The following SPPL2A variants were observed in gnomAD, a reference collection of about 807,000 sequenced individuals.
SPPL2A encodes the protein signal peptide peptidase-like 2A.
In SPPL2A, 51 loss-of-function variants were observed where a neutral mutation model predicts 63.8. The observed-to-expected ratio is 0.80, with a 90% CI of 0.64 to 1.01. The LOEUF (loss-of-function observed/expected upper bound fraction) is 1.01. Ranked by LOEUF, SPPL2A falls within the 50% of genes least tolerant of loss-of-function variation. The probability of loss-of-function intolerance (pLI) is 0.00; values close to 1 mark genes in which losing one functional copy is unlikely to be tolerated. For missense variants in SPPL2A, 553 were observed against 622.7 expected, an observed-to-expected ratio of 0.89 and a Z score of 1.19; for synonymous variants, 188 against 205.8, an observed-to-expected ratio of 0.91 and a Z score of 0.74.
chr15:50,731,428 C>T (rs2062730954), intron 9 of SPPL2A, among the ~76,000 whole-genome samples: 1 of 151,836 alleles, frequency 6.6e-6, no homozygotes, highest in African/African-American at 2.4e-5. Flanking sequence ...TGCCTATAAA[C>T]CCAGCTACTC....
At position 50,765,462 on chromosome 15, in the gene SPPL2A, C is replaced by G. The variant is rs1354094965; in HGVS notation, c.66+6G>C. The G allele has an allele frequency of 2.0e-6, 3 of 1,501,948 alleles. 1 individual carries two copies. The Admixed American group carries it at 6.4e-5, about 32-fold the overall frequency. The allele number at this position is 1,501,948 out of a possible 1,614,324, so 93.0% of individuals were successfully genotyped here. On this transcript the variant is annotated splice_donor_region_variant and intron_variant, in intron 1 of 14. Transcript: ENST00000261854. ...GGGAGGCCTGCGCGCCTTCCCGCCCCCTTACCAGCTGGAGCAGGAAGCCCC... is the reference window on the plus strand; with the variant it reads ...GGGAGGCCTGCGCGCCTTCCCGCCCGCTTACCAGCTGGAGCAGGAAGCCCC...
intron 5 of SPPL2A, among the ~76,000 whole-genome samples, chr15:50,741,487 G>A (rs2062819845): frequency 6.6e-6 from 1 of 151,900 alleles, no homozygotes; most frequent in South Asian, 2.1e-4. Flanking sequence ...TACAAATGTG[G>A]TACCTGAGTG....
intron 1 of SPPL2A, among the ~76,000 whole-genome samples, chr15:50,760,271 T>C (rs1011501590): frequency 6.9e-6 from 1 of 145,174 alleles, no homozygotes; most frequent in African/African-American, 2.6e-5. Flanking sequence ...TTTTTTTTTT[T>C]ATTTCCCCCA....
chr15:50,748,188 A>C lies in SPPL2A; in HGVS notation c.375T>G (p.Gly125=), dbSNP rs1250534419. The C allele has an allele frequency of 6.8e-7, 1 of 1,477,842 alleles. No homozygotes were observed. The highest frequency in any genetic ancestry group is 9.1e-7 in the Non-Finnish European group (1 of 1,103,888). The allele number at this position is 1,477,842 out of a possible 1,614,324, so 91.5% of individuals were successfully genotyped here. A position where few individuals can be genotyped will look rare whatever the true frequency, so the allele number is the denominator to read the frequency against. ...TCACATCAGGAAATTCAGATCTGTT[A>C]CCTGAGGGAGGAAACTAAAAAAGAA... ...VNNSVLFPPS[G]NRSEFPDVKI... The change falls in exon 4 of 15, where the codon GGT becomes GGG. Residue 125 remains glycine, a synonymous_variant. Transcript: ENST00000261854.
rs771517654 is a variant in SPPL2A at position 50,705,515 on chromosome 15, TAC to T, written c.*2283_*2284del. ...AATATTTTATTATTATAAATGAAAA[TAC>T]AGAGTTTTAAAACGGCACTTAATCT... On this transcript the variant is annotated 3_prime_UTR_variant, in exon 15 of 15. Coordinates refer to ENST00000261854, the MANE Select transcript of SPPL2A (RefSeq NM_032802.4). 1 of 152,178 alleles carries T rather than the reference TAC, an allele frequency of 6.6e-6. No individual in the cohort carries two copies. Among genetic ancestry groups the T allele is most frequent in the South Asian group, 2.1e-4 (1 of 4,818 alleles). The allele number at this position is 152,178 out of a possible 1,614,324, so 9.4% of individuals were successfully genotyped here. A position where few individuals can be genotyped will look rare whatever the true frequency, so the allele number is the denominator to read the frequency against.
At position 50,715,224 on chromosome 15, in the gene SPPL2A, C is replaced by T. The variant is rs2062591817; in HGVS notation, c.1488+4716G>A. 8.5e-5 allele frequency among the ~76,000 whole-genome samples: 13 copies of T among 152,202 alleles called. No individual in the cohort carries two copies. In the South Asian group the frequency reaches 2.7e-3, roughly 32 times the overall value. On this transcript the variant is annotated intron_variant, in intron 14 of 14. Transcript: ENST00000261854. Reference sequence around the variant, plus strand: ...TGTTGCCCAGGCTGGTCTCGAACTCCTGATCTCAAGTGATCTACTAGCCTT... The same window carrying T: ...TGTTGCCCAGGCTGGTCTCGAACTCTTGATCTCAAGTGATCTACTAGCCTT...
intron 3 of SPPL2A, 54 bp downstream of exon 3, chr15:50,748,634 G>A (rs766157755): frequency 5.7e-4 from 712 of 1,246,026 alleles, no homozygotes; most frequent in Non-Finnish European, 7.4e-4. Flanking sequence ...TTCCATTTTT[G>A]TGAAATTTCA....
At chr15:50,726,654 G>A (rs1255657796) in intron 10 of SPPL2A, among the ~76,000 whole-genome samples, 1 of 152,184 alleles carries the variant, frequency 6.6e-6, no homozygotes, top group Non-Finnish European at 1.5e-5. Context: ...CCTCAGTTCT[G>A]ATTTGTAATG....
chr15:50,726,228 T>C, intron 11 of SPPL2A, 93 bp downstream of exon 11: 1 of 1,470,470 alleles, frequency 6.8e-7, no homozygotes, highest in South Asian at 1.2e-5. Context: ...TAACATGCAC[T>C]ATGTGGCCAG....
At chr15:50,737,713 A>G (rs549988917) in intron 6 of SPPL2A, among the ~76,000 whole-genome samples, 40 of 152,208 alleles carry the variant, frequency 2.6e-4, no homozygotes, top group African/African-American at 9.6e-4. Flanking sequence ...TTGGCCTCCC[A>G]AAGTGCTGGG....
In SPPL2A at chr15:50,704,333, A is replaced by C; in HGVS notation, c.*3467T>G. The stretch of plus-strand genomic sequence containing the variant: ...CTCCAGCCTGGGCAAAAAGAGCGAA[A>C]CTCTGTCTCAAAAAAAAAAAAAAAA... On this transcript the variant is annotated 3_prime_UTR_variant, in exon 15 of 15. Transcript: ENST00000261854. 7.7e-6 allele frequency: 1 copy of C among 130,636 alleles called. No homozygotes were observed. The highest frequency in any genetic ancestry group is 1.6e-5 in the Non-Finnish European group (1 of 62,586). The allele number at this position is 130,636 out of a possible 1,614,324, so 8.1% of individuals were successfully genotyped here. A position where few individuals can be genotyped will look rare whatever the true frequency, so the allele number is the denominator to read the frequency against.
At chr15:50,726,133 T>C (rs2062685954) in intron 11 of SPPL2A, 188 bp downstream of exon 11, 2 of 1,521,922 alleles carry the variant, frequency 1.3e-6, no homozygotes, top group South Asian at 1.2e-5. Context: ...CATTCTAGGA[T>C]GAAACCCAAG....
At position 50,704,171 on chromosome 15, in the gene SPPL2A, C is replaced by T. The variant is rs552426000; in HGVS notation, c.*3629G>A. The stretch of plus-strand genomic sequence containing the variant: ...CAGCCTGATCAACATGGAGAAACCC[C>T]GTCTCTACTAAAAATACTATATTAG... On this transcript the variant is annotated 3_prime_UTR_variant, in exon 15 of 15. Coordinates refer to ENST00000261854, the MANE Select transcript of SPPL2A (RefSeq NM_032802.4). 3.9e-5 allele frequency: 6 copies of T among 151,930 alleles called. No individual in the cohort carries two copies. The highest frequency in any genetic ancestry group is 6.6e-5 in the Admixed American group (1 of 15,224). The allele number at this position is 151,930 out of a possible 1,614,324, so 9.4% of individuals were successfully genotyped here.
At chr15:50,749,833 T>C (rs1049692678) in intron 1 of SPPL2A, 87 bp from the exon 2 acceptor site, 2 of 786,246 alleles carry the variant, frequency 2.5e-6, no homozygotes, top group African/African-American at 3.4e-5. Context: ...ATATGCAGGG[T>C]TGATCACATT....
Position 50,722,134 on chromosome 15 carries a change from C to A in SPPL2A, c.1317G>T (p.Ser439=), listed in dbSNP as rs780968695. The A allele has an allele frequency of 3.8e-6, 6 of 1,568,082 alleles. No individual in the cohort carries two copies. The highest frequency in any genetic ancestry group is 2.2e-5 in the East Asian group (1 of 44,660). Residue 439 remains serine (S), a synonymous_variant, in exon 13 of 15, where the codon TCG becomes TCT. Coordinates refer to ENST00000261854, the MANE Select transcript of SPPL2A (RefSeq NM_032802.4). ...AAAACAAAAATTTACCAACTGTAGA[C>A]GAAACATAGTATATGTAAGAAGAAC... is the stretch of plus-strand genomic sequence containing the variant. The part of the protein sequence containing the change: ...QTGSSYIYYV[S]STVAYAIGMI...
chr15:50,745,435 C>G (rs2062850395), intron 5 of SPPL2A, among the ~76,000 whole-genome samples: 1 of 152,104 alleles, frequency 6.6e-6, no homozygotes. Context: ...CAGGCGTGAG[C>G]CACCACATCC....
In SPPL2A at chr15:50,726,308, T is replaced by C; in HGVS notation, c.1146+13A>G. Reference sequence around the variant, plus strand: ...ACACTGGATAGCCATTTCTATTTCATTGCCATCCCTACCTTTTCATTATTT... The same window carrying C: ...ACACTGGATAGCCATTTCTATTTCACTGCCATCCCTACCTTTTCATTATTT... On this transcript the variant is annotated intron_variant, in intron 11 of 14. Coordinates refer to ENST00000261854, the MANE Select transcript of SPPL2A (RefSeq NM_032802.4). 1 of 1,613,214 alleles carries C rather than the reference T, an allele frequency of 6.2e-7. No homozygotes were observed. Among genetic ancestry groups the C allele is most frequent in the Non-Finnish European group, 8.5e-7 (1 of 1,179,180 alleles).
intron 4 of SPPL2A, 79 bp from the exon 5 acceptor site, chr15:50,747,707 A>G: frequency 1.0e-6 from 1 of 993,880 alleles, no homozygotes; most frequent in Non-Finnish European, 1.5e-6. Context: ...TCCACATTTC[A>G]CTCTGGAATG....
intron 13 of SPPL2A, among the ~76,000 whole-genome samples, chr15:50,720,517 CTTTT>C (rs750969318): frequency 1.9e-5 from 2 of 105,570 alleles, no homozygotes; most frequent in Admixed American, 1.0e-4. Flanking sequence ...TTGAACTTTT[CTTTT>C]TTTTTTTTTT....
Sources: allele counts gnomAD v4.1 joint callset (sites outside exome capture counted in the v4.1 genomes callset), GRCh38; gene constraint gnomAD v4.1.1; transcripts MANE v1.5; gene names NCBI Gene and HGNC (gene_info 2026-07-23, HGNC 2026-07-21).